The following BNC2 variants were observed in gnomAD, a reference collection of about 807,000 sequenced individuals.
BNC2 encodes zinc finger protein basonuclin-2.
In BNC2, 20 loss-of-function variants were observed where a neutral mutation model predicts 76.3. The ratio of observed to expected loss-of-function variants is 0.26; its 90% confidence interval spans 0.18 to 0.38. BNC2 has a LOEUF of 0.38. BNC2 is among the 10% of genes least tolerant of loss of function. The pLI, the probability that BNC2 is intolerant of heterozygous loss-of-function variation, is 1.00. For synonymous variants in BNC2, 582 were observed against 514.8 expected, an observed-to-expected ratio of 1.13 and a Z score of -1.77; for missense variants, 1,382 against 1,399.8, an observed-to-expected ratio of 0.99 and a Z score of 0.20.
At chr9:16,455,230 G>GT (rs1821421028) in intron 5 of BNC2, among the ~76,000 whole-genome samples, 1 of 152,198 alleles carries the variant, frequency 6.6e-6, no homozygotes, top group Admixed American at 6.5e-5. Context: ...CCTGGCCAGA[G>GT]TTTGAGATAT....
At chr9:16,837,511 A>G (rs2136067997) in intron 1 of BNC2, among the ~76,000 whole-genome samples, 1 of 152,320 alleles carries the variant, frequency 6.6e-6, no homozygotes, top group Middle Eastern at 3.4e-3. Context: ...CCCGAAAAGA[A>G]AAAAGAAAGA....
intron 3 of BNC2, among the ~76,000 whole-genome samples, chr9:16,722,657 T>A (rs1824191780): frequency 6.6e-6 from 1 of 152,182 alleles, no homozygotes; most frequent in African/African-American, 2.4e-5. Context: ...TGTGTTCAAA[T>A]TCATTTAAAT....
chr9:16,467,702 G>C (rs1301637638), intron 5 of BNC2, among the ~76,000 whole-genome samples: 1 of 140,088 alleles, frequency 7.1e-6, no homozygotes, highest in East Asian at 2.2e-4. Flanking sequence ...GGAGGGGGGA[G>C]GGATAGCATT....
chr9:16,541,231 G>C (rs1168597158), intron 5 of BNC2, among the ~76,000 whole-genome samples: 1 of 152,194 alleles, frequency 6.6e-6, no homozygotes, highest in African/African-American at 2.4e-5. Flanking sequence ...TCAATGGACA[G>C]AGGCACTCAT....
intron 1 of BNC2, among the ~76,000 whole-genome samples, chr9:16,792,472 G>T (rs1379477943): frequency 3.3e-5 from 5 of 152,176 alleles, no homozygotes; most frequent in Admixed American, 6.5e-5. Context: ...ATAATTCAAA[G>T]ATCATTGCCA....
At chr9:16,493,371 T>C (rs953404178) in intron 5 of BNC2, among the ~76,000 whole-genome samples, 2 of 152,146 alleles carry the variant, frequency 1.3e-5, no homozygotes, top group Non-Finnish European at 2.9e-5. Flanking sequence ...AAGTACAATA[T>C]TGATACAAAA....
intron 1 of BNC2, among the ~76,000 whole-genome samples, chr9:16,818,586 A>C (rs932142590): frequency 3.9e-5 from 6 of 152,208 alleles, no homozygotes; most frequent in African/African-American, 1.4e-4. Context: ...GATGGCCATT[A>C]TTATGGTGAT....
At chr9:16,527,691 G>C (rs1299277378) in intron 5 of BNC2, among the ~76,000 whole-genome samples, 3 of 152,148 alleles carry the variant, frequency 2.0e-5, no homozygotes, top group Admixed American at 2.0e-4. Context: ...GACAGGTTGA[G>C]AGGCAAAAAA....
In BNC2 at chr9:16,459,258, A is replaced by G. The variant is rs181864325; in HGVS notation, c.670-21734T>C. On this transcript the variant is annotated intron_variant, in intron 5 of 6. Coordinates refer to ENST00000380672, the MANE Select transcript of BNC2 (RefSeq NM_017637.6). ...TATAGCATGACCTTCCTGCACCTCTACAAAAGAGTTTCATGCTCACATGTA... is the reference window on the plus strand; with the variant it reads ...TATAGCATGACCTTCCTGCACCTCTGCAAAAGAGTTTCATGCTCACATGTA... Among the ~76,000 whole-genome samples the G allele has an allele frequency of 5.9e-5, 9 of 152,298 alleles. No individual in the cohort carries two copies. The East Asian group carries it at 1.5e-3, about 26-fold the overall frequency.
chr9:16,424,969 C>A (rs960291658), intron 6 of BNC2, among the ~76,000 whole-genome samples: 1 of 152,096 alleles, frequency 6.6e-6, no homozygotes, highest in Non-Finnish European at 1.5e-5. Flanking sequence ...AGTTGTTCTA[C>A]AGGTTATTAT....
At chr9:16,474,919 C>CAAA (rs1821898162) in intron 5 of BNC2, among the ~76,000 whole-genome samples, 1 of 152,016 alleles carries the variant, frequency 6.6e-6, no homozygotes. Flanking sequence ...GGCATTAAAG[C>CAAA]AAAAGAACTT....
At chr9:16,443,558 A>T (rs934721088) in intron 5 of BNC2, among the ~76,000 whole-genome samples, 2 of 146,040 alleles carry the variant, frequency 1.4e-5, no homozygotes, top group African/African-American at 5.6e-5. Flanking sequence ...TGATGAAACA[A>T]TGCTATGCAA....
At chr9:16,836,840 C>T (rs1818719170) in intron 1 of BNC2, among the ~76,000 whole-genome samples, 1 of 151,986 alleles carries the variant, frequency 6.6e-6, no homozygotes. Context: ...ATTAAACTTC[C>T]TGCTTATAAA....
At chr9:16,743,995 C>T (rs1748322436) in intron 1 of BNC2, among the ~76,000 whole-genome samples, 1 of 133,208 alleles carries the variant, frequency 7.5e-6, no homozygotes, top group South Asian at 2.3e-4. Flanking sequence ...GAGACGGAGT[C>T]TCGCTCTGTC....
chr9:16,757,047 C>T lies in BNC2; in HGVS notation c.4-18562G>A, dbSNP rs188817949. On this transcript the variant is annotated intron_variant, in intron 1 of 6. Transcript: ENST00000380672. ...GGTAACTACCTATTCCTAAAGTGCC[C>T]TGTACTACTTTCCAACACTAGTAAT... is the stretch of plus-strand genomic sequence containing the variant. Among the ~76,000 whole-genome samples, 216 of 145,804 alleles carry T rather than the reference C, an allele frequency of 1.5e-3. 3 individuals carry two copies. Among genetic ancestry groups the T allele is most frequent in the African/African-American group, 4.6e-3 (183 of 40,174 alleles).
intron 1 of BNC2, among the ~76,000 whole-genome samples, chr9:16,851,414 T>C (rs1819124300): frequency 6.6e-6 from 1 of 151,538 alleles, no homozygotes; most frequent in South Asian, 2.1e-4. Flanking sequence ...GCTGAGGCAG[T>C]AGGATTGCTG....
At chr9:16,685,168 T>C (rs1051775302) in intron 3 of BNC2, among the ~76,000 whole-genome samples, 2 of 152,206 alleles carry the variant, frequency 1.3e-5, no homozygotes, top group African/African-American at 4.8e-5. Context: ...TGAATATATG[T>C]CAGGTCCTTT....
At chr9:16,625,337 AG>A (rs2133644695) in intron 3 of BNC2, among the ~76,000 whole-genome samples, 1 of 152,274 alleles carries the variant, frequency 6.6e-6, no homozygotes, top group Non-Finnish European at 1.5e-5. Context: ...TTGATGACAA[AG>A]AAAAACTCCC....
intron 3 of BNC2, among the ~76,000 whole-genome samples, chr9:16,634,888 T>C (rs1241218585): frequency 2.0e-5 from 3 of 151,750 alleles, no homozygotes; most frequent in Non-Finnish European, 4.4e-5. Context: ...TAAAGGTGTT[T>C]TTTTTTTTCT....
Sources: gnomAD v4.1 joint callset for allele counts (sites outside exome capture counted in the v4.1 genomes callset) on GRCh38, gnomAD v4.1.1 for gene constraint, MANE v1.5 for transcripts, NCBI Gene and HGNC (gene_info 2026-07-23, HGNC 2026-07-21) for gene names.